The following DCTN5 variants were observed in gnomAD, a reference collection of about 807,000 sequenced individuals.
DCTN5 encodes dynactin subunit 5.
DCTN5 carries 14 observed loss-of-function variants against 23.5 expected under a neutral mutation model. The ratio of observed to expected loss-of-function variants is 0.60; its 90% CI spans 0.39 to 0.93. The LOEUF is 0.93. Ranked by LOEUF, DCTN5 falls within the 40% of genes least tolerant of loss-of-function variation. The pLI, the probability that DCTN5 is intolerant of heterozygous loss-of-function variation, is 0.00. For synonymous variants in DCTN5, 67 were observed against 79.6 expected (o/e 0.84, Z 0.84); for missense variants, 156 against 225.9 (o/e 0.69, Z 1.98).
At chr16:23,651,674 G>A (rs971465219) in intron 2 of DCTN5, among the ~76,000 whole-genome samples, 3 of 152,204 alleles carry the variant, frequency 2.0e-5, no homozygotes, top group African/African-American at 7.2e-5. Flanking sequence ...ACTCTTAGAT[G>A]GAGGAAGTTC....
intron 2 of DCTN5, among the ~76,000 whole-genome samples, chr16:23,652,885 G>A (rs1226942046): frequency 6.6e-6 from 1 of 152,172 alleles, no homozygotes; most frequent in Admixed American, 6.5e-5. Flanking sequence ...GCCCACACCT[G>A]TAATCCCAGC....
chr16:23,667,720 T>G lies in DCTN5; in HGVS notation c.*576T>G, dbSNP rs917184080. The G allele has an allele frequency of 6.5e-6, 1 of 152,808 alleles. No homozygotes were observed. The highest frequency in any genetic ancestry group is 6.4e-5 in the Admixed American group (1 of 15,510). 9.5% of individuals were successfully genotyped at this position (152,808 alleles called of 1,614,324 possible). Reference sequence around the variant, plus strand: ...GGAGGGGTGAATAGTGTTTCTCTCTTCTTCCCAAAATGACCTTAGCTGTCC... The same window carrying G: ...GGAGGGGTGAATAGTGTTTCTCTCTGCTTCCCAAAATGACCTTAGCTGTCC... On this transcript the variant is annotated 3_prime_UTR_variant, in exon 6 of 6. Transcript: ENST00000300087.
intron 2 of DCTN5, among the ~76,000 whole-genome samples, chr16:23,645,089 AT>A: frequency 8.6e-5 from 1 of 11,670 alleles, no homozygotes; most frequent in East Asian, 3.2e-3. Context: ...CTAACTATAT[AT>A]ATATATATAT....
intron 2 of DCTN5, among the ~76,000 whole-genome samples, chr16:23,655,422 C>G (rs1967684111): frequency 6.6e-6 from 1 of 152,084 alleles, no homozygotes; most frequent in African/African-American, 2.4e-5. Context: ...CTCTGTTGCC[C>G]AGGCTGGAGT....
intron 2 of DCTN5, among the ~76,000 whole-genome samples, chr16:23,647,400 G>A (rs1967490020): frequency 6.6e-6 from 1 of 151,900 alleles, no homozygotes; most frequent in South Asian, 2.1e-4. Context: ...GTGAACCACT[G>A]TGCTCGGCCT....
In DCTN5 at chr16:23,645,108, TATATATATATATATATATA is replaced by T. The variant is rs1567228340; in HGVS notation, c.117+2086_117+2104del. ...CTATATATATATATATATATATATATATATATATATATATATATATATATATATATTTTTTTTTTTTTTA... is the reference window on the plus strand; with the variant it reads ...CTATATATATATATATATATATATATTATATATATATTTTTTTTTTTTTTA... On this transcript the variant is annotated intron_variant, in intron 2 of 5. Transcript: ENST00000300087. Among the ~76,000 whole-genome samples, 110 of 34,692 alleles carry T rather than the reference TATATATATATATATATATA, an allele frequency of 3.2e-3. 4 individuals are homozygous for T. The highest frequency in any genetic ancestry group is 0.014 in the Admixed American group (47 of 3,416). 22.8% of individuals were successfully genotyped at this position (34,692 alleles called of 152,430 possible).
At position 23,677,318 on chromosome 16, in the gene DCTN5, G is replaced by C. The variant is rs1959235504; in HGVS notation, c.*10174G>C. 1 of 152,178 alleles carries C rather than the reference G, an allele frequency of 6.6e-6. No homozygotes were observed. The highest frequency in any genetic ancestry group is 6.5e-5 in the Admixed American group (1 of 15,278). The allele number at this position is 152,178 out of a possible 1,614,324, so 9.4% of individuals were successfully genotyped here. ...CACAAGGGAGACTTGCAGGGTGTTT[G>C]TCATGTTCCCTTTCTCAATCTGGGT... On this transcript the variant is annotated 3_prime_UTR_variant, in exon 6 of 6. Transcript: ENST00000300087.
intron 2 of DCTN5, among the ~76,000 whole-genome samples, chr16:23,656,951 C>T (rs1467110264): frequency 6.7e-6 from 1 of 150,214 alleles, no homozygotes; most frequent in Non-Finnish European, 1.5e-5. Context: ...GATCATGCCA[C>T]TGCACTCCAG....
Position 23,672,434 on chromosome 16 carries a change from G to A in DCTN5, c.*5290G>A, listed in dbSNP as rs781487811. On this transcript the variant is annotated 3_prime_UTR_variant, in exon 6 of 6. Coordinates refer to ENST00000300087, the MANE Select transcript of DCTN5 (RefSeq NM_032486.4). ...ACTTTCCCAAGGTCATACAGCTAGT[G>A]ATGGAGGAGCTAGCATTTGAACCCG... 6.6e-6 allele frequency: 1 copy of A among 152,244 alleles called. No individual in the cohort carries two copies. The highest frequency in any genetic ancestry group is 1.5e-5 in the Non-Finnish European group (1 of 68,048). The allele number at this position is 152,244 out of a possible 1,614,324, so 9.4% of individuals were successfully genotyped here.
At chr16:23,652,044 A>C (rs1233991119) in intron 2 of DCTN5, among the ~76,000 whole-genome samples, 1 of 152,212 alleles carries the variant, frequency 6.6e-6, no homozygotes, top group Non-Finnish European at 1.5e-5. Context: ...CAAAAACTAA[A>C]AATAAAAAAG....
chr16:23,658,560 T>C lies in DCTN5; in HGVS notation c.171T>C (p.Val57=). 1 of 1,614,242 alleles carries C rather than the reference T, an allele frequency of 6.2e-7. No homozygotes were observed. The highest frequency in any genetic ancestry group is 1.7e-5 in the Admixed American group (1 of 60,030). Residue 57 remains valine, a synonymous_variant, in exon 3 of 6, where the codon GTT becomes GTC. Transcript: ENST00000300087. Reference sequence around the variant, plus strand: ...GAGGGGATCTGGCAAATGTAAGAGTTGGACGTCATTGTGTTGTGAAAAGTC... The same window carrying C: ...GAGGGGATCTGGCAAATGTAAGAGTCGGACGTCATTGTGTTGTGAAAAGTC... ...IIRGDLANVR[V]GRHCVVKSRS...
rs368933739 is a variant in DCTN5, at chr16:23,667,135, G to A, written c.540G>A (p.Thr180=). 2.0e-4 allele frequency: 327 copies of A among 1,612,320 alleles called. 2 individuals are homozygous for A. The South Asian group carries it at 3.2e-3, about 16-fold the overall frequency. ...ACTACCAGAAGTTTTTGCCCCTGAC[G>A]CAAGTCTAGCATCTCTGCCTCATGT... is the stretch of plus-strand genomic sequence containing the variant. The part of the protein sequence containing the change: ...KSYYQKFLPL[T]QV The change falls in exon 6 of 6, where the codon ACG becomes ACA. Residue 180 remains threonine (T), a synonymous_variant. Transcript: ENST00000300087.
chr16:23,668,779 C>G lies in DCTN5; in HGVS notation c.*1635C>G, dbSNP rs1967952806. 1 of 152,238 alleles carries G rather than the reference C, an allele frequency of 6.6e-6. No individual in the cohort carries two copies. The highest frequency in any genetic ancestry group is 2.4e-5 in the African/African-American group (1 of 41,466). The allele number at this position is 152,238 out of a possible 1,614,324, so 9.4% of individuals were successfully genotyped here. On this transcript the variant is annotated 3_prime_UTR_variant, in exon 6 of 6. Coordinates refer to ENST00000300087, the MANE Select transcript of DCTN5 (RefSeq NM_032486.4). ...CAGCTGATAGCTCCAGACCTGCATC[C>G]TCCTAGCTTGGGGGCTCTGAATGAA...
At chr16:23,646,930 G>A (rs1967474428) in intron 2 of DCTN5, among the ~76,000 whole-genome samples, 1 of 152,142 alleles carries the variant, frequency 6.6e-6, no homozygotes, top group African/African-American at 2.4e-5. Context: ...TCTTTTGAAT[G>A]TAGAAATACA....
intron 4 of DCTN5, among the ~76,000 whole-genome samples, chr16:23,663,881 GCCAA>G (rs1334288273): frequency 1.3e-5 from 2 of 152,172 alleles, no homozygotes; most frequent in African/African-American, 2.4e-5. Context: ...GGGCAAAATG[GCCAA>G]CCAGTGGACA....
chr16:23,658,718 C>T, intron 3 of DCTN5, 93 bp downstream of exon 3: 1 of 951,916 alleles, frequency 1.1e-6, no homozygotes, highest in Admixed American at 1.8e-5. Context: ...ATGACTAGGT[C>T]TGTCCTGTTT....
rs527243236 is a variant in DCTN5, at chr16:23,671,812, A to C, written c.*4668A>C. ...ACTCTGACTTGGACCCTGAAGTGAG[A>C]AGAGTTGGCACAGGACATCTTACTT... On this transcript the variant is annotated 3_prime_UTR_variant, in exon 6 of 6. Coordinates refer to ENST00000300087, the MANE Select transcript of DCTN5 (RefSeq NM_032486.4). 121 of 152,338 alleles carry C rather than the reference A, an allele frequency of 7.9e-4. 1 individual carries two copies. Among genetic ancestry groups the C allele is most frequent in the Non-Finnish European group, 1.5e-3 (105 of 68,050 alleles). 9.4% of individuals were successfully genotyped at this position (152,338 alleles called of 1,614,324 possible). A position where few individuals can be genotyped will look rare whatever the true frequency, so the allele number is the denominator to read the frequency against.
intron 3 of DCTN5, among the ~76,000 whole-genome samples, chr16:23,659,053 C>T (rs1335116233): frequency 6.6e-6 from 1 of 152,166 alleles, no homozygotes; most frequent in African/African-American, 2.4e-5. Context: ...TTCTCTCTCA[C>T]AGATACCTGC....
intron 2 of DCTN5, among the ~76,000 whole-genome samples, chr16:23,649,232 G>T (rs894675010): frequency 6.6e-6 from 1 of 152,070 alleles, no homozygotes; most frequent in African/African-American, 2.4e-5. Context: ...GAGAAATGTC[G>T]ATTCAAATCA....
Sources: allele counts gnomAD v4.1 joint callset (sites outside exome capture counted in the v4.1 genomes callset), GRCh38; gene constraint gnomAD v4.1.1; transcripts MANE v1.5; gene names NCBI Gene and HGNC (gene_info 2026-07-23, HGNC 2026-07-21).